Variants in IMMP2L observed in about 807,000 individuals in gnomAD.
IMMP2L encodes inner mitochondrial membrane peptidase subunit 2, also known as mitochondrial inner membrane protease subunit 2.
In IMMP2L, 18 loss-of-function variants were observed where a neutral mutation model predicts 19.3. That is an observed-to-expected ratio of 0.93 (90% confidence interval 0.64 to 1.38). The LOEUF is 1.38. Among genes scored for constraint, IMMP2L ranks in the 40% most tolerant of loss-of-function variants. IMMP2L has a pLI of 0.00. For missense variants in IMMP2L, 233 were observed against 218.2 expected (o/e 1.07, Z -0.43); for synonymous variants, 76 against 73.0 (o/e 1.04, Z -0.21).
At chr7:111,516,304 A>C (rs1344992796) in intron 2 of IMMP2L, among the ~76,000 whole-genome samples, 2 of 152,036 alleles carry the variant, frequency 1.3e-5, no homozygotes, top group East Asian at 1.9e-4. Flanking sequence ...CAGATGGTTT[A>C]ATAAGATTTT....
At chr7:110,734,320 T>A (rs547220182) in intron 5 of IMMP2L, among the ~76,000 whole-genome samples, 3 of 152,310 alleles carry the variant, frequency 2.0e-5, no homozygotes, top group Admixed American at 2.0e-4. Context: ...TATTGGAAAC[T>A]GGAGAAACAG....
At chr7:111,277,822 T>C (rs1179769606) in intron 3 of IMMP2L, among the ~76,000 whole-genome samples, 2 of 152,142 alleles carry the variant, frequency 1.3e-5, no homozygotes, top group African/African-American at 4.8e-5. Flanking sequence ...AGCAAAGCTA[T>C]GGAATCGACC....
chr7:111,296,703 TG>T (rs1276722270), intron 3 of IMMP2L, among the ~76,000 whole-genome samples: 1 of 151,966 alleles, frequency 6.6e-6, no homozygotes, highest in Admixed American at 6.6e-5. Context: ...CCCAGAGAAA[TG>T]GGAACTGTCC....
chr7:110,820,847 G>A (rs771032463), intron 5 of IMMP2L, among the ~76,000 whole-genome samples: 3 of 151,902 alleles, frequency 2.0e-5, no homozygotes, highest in African/African-American at 2.4e-5. Context: ...ATATTTATGC[G>A]TCCTTGAACA....
At chr7:111,112,426 G>A (rs577670480) in intron 3 of IMMP2L, among the ~76,000 whole-genome samples, 1 of 152,164 alleles carries the variant, frequency 6.6e-6, no homozygotes, top group Admixed American at 6.5e-5. Context: ...CATTTAACAC[G>A]AGTGTTAGGG....
At chr7:111,026,054 G>A (rs1196791928) in intron 3 of IMMP2L, among the ~76,000 whole-genome samples, 1 of 151,800 alleles carries the variant, frequency 6.6e-6, no homozygotes, top group African/African-American at 2.4e-5. Context: ...GGAAAAATGT[G>A]AAAACAGAAG....
intron 5 of IMMP2L, among the ~76,000 whole-genome samples, chr7:110,761,045 G>C (rs1353638015): frequency 6.6e-6 from 1 of 152,156 alleles, no homozygotes; most frequent in Non-Finnish European, 1.5e-5. Context: ...AATGAGAGCT[G>C]TTGGTGTATC....
chr7:110,905,190 C>A (rs1235499169), intron 4 of IMMP2L, among the ~76,000 whole-genome samples: 1 of 152,030 alleles, frequency 6.6e-6, no homozygotes, highest in African/African-American at 2.4e-5. Context: ...GTTTTTGGGT[C>A]AAATCATTTC....
chr7:111,127,264 A>G (rs1465760022), intron 3 of IMMP2L, among the ~76,000 whole-genome samples: 1 of 152,228 alleles, frequency 6.6e-6, no homozygotes, highest in African/African-American at 2.4e-5. Flanking sequence ...TCAAAAACAT[A>G]GGAGCCAAAA....
At chr7:111,433,847 T>C (rs972311043) in intron 3 of IMMP2L, among the ~76,000 whole-genome samples, 6 of 151,750 alleles carry the variant, frequency 4.0e-5, no homozygotes, top group African/African-American at 1.5e-4. Context: ...AGAAATAATA[T>C]TGTTAAAAAT....
intron 3 of IMMP2L, among the ~76,000 whole-genome samples, chr7:111,088,357 C>T (rs925250872): frequency 1.3e-5 from 2 of 152,044 alleles, no homozygotes; most frequent in Admixed American, 6.5e-5. Flanking sequence ...GTAGACATTT[C>T]CTACAATGTA....
intron 3 of IMMP2L, among the ~76,000 whole-genome samples, chr7:111,032,991 G>A (rs969282046): frequency 6.6e-6 from 1 of 150,678 alleles, no homozygotes; most frequent in African/African-American, 2.4e-5. Flanking sequence ...ATGGTGGCAT[G>A]TGCCTATAAT....
intron 1 of IMMP2L, among the ~76,000 whole-genome samples, chr7:111,559,516 TG>T (rs1377614769): frequency 6.6e-6 from 1 of 152,120 alleles, no homozygotes; most frequent in Non-Finnish European, 1.5e-5. Flanking sequence ...TCCAAGGCTG[TG>T]GAATGATCTG....
intron 3 of IMMP2L, among the ~76,000 whole-genome samples, chr7:111,294,522 T>G (rs1821429196): frequency 6.6e-6 from 1 of 151,924 alleles, no homozygotes; most frequent in African/African-American, 2.4e-5. Flanking sequence ...TTCCGTGTTT[T>G]AATGTTTACA....
chr7:110,851,525 C>T (rs1528037), intron 5 of IMMP2L, among the ~76,000 whole-genome samples: 62,049 of 151,924 alleles, frequency 0.41, 13,702 homozygotes, highest in East Asian at 0.8. Flanking sequence ...AGCAATCTAT[C>T]ATGCTTGATA....
At chr7:111,087,278 T>C (rs1332905640) in intron 3 of IMMP2L, among the ~76,000 whole-genome samples, 1 of 151,998 alleles carries the variant, frequency 6.6e-6, no homozygotes, top group African/African-American at 2.4e-5. Flanking sequence ...TGAAACCCCA[T>C]GTCTACTAAA....
At chr7:111,228,212 C>A (rs1326490360) in intron 3 of IMMP2L, among the ~76,000 whole-genome samples, 1 of 151,988 alleles carries the variant, frequency 6.6e-6, no homozygotes, top group African/African-American at 2.4e-5. Flanking sequence ...GTACTAACCA[C>A]AAGACAATAG....
intron 3 of IMMP2L, among the ~76,000 whole-genome samples, chr7:111,255,963 T>C (rs763928831): frequency 3.9e-5 from 6 of 152,196 alleles, no homozygotes; most frequent in Non-Finnish European, 7.4e-5. Context: ...AAACAACAAA[T>C]GCTTTTTAAA....
At chr7:110,826,848 T>C (rs1803545858) in intron 5 of IMMP2L, among the ~76,000 whole-genome samples, 1 of 151,038 alleles carries the variant, frequency 6.6e-6, no homozygotes, top group South Asian at 2.1e-4. Flanking sequence ...AAAAAATAAA[T>C]AAAAATACAT....
Sources: allele counts gnomAD v4.1 joint callset (sites outside exome capture counted in the v4.1 genomes callset), GRCh38; gene constraint gnomAD v4.1.1; transcripts MANE v1.5; gene names NCBI Gene and HGNC (gene_info 2026-07-23, HGNC 2026-07-21).